SOX5: variants seen among roughly 807,000 people sequenced by gnomAD.
The protein encoded by SOX5 is SRY-box transcription factor 5, also known as transcription factor SOX-5.
A neutral mutation model predicts 92.0 loss-of-function variants in SOX5; 9 were observed. The observed-to-expected ratio is 0.10, with a 90% CI of 0.06 to 0.17. The LOEUF (loss-of-function observed/expected upper bound fraction) is 0.17, where lower values mean the gene tolerates loss of function less well. Ranked by LOEUF, SOX5 falls within the 10% of genes least tolerant of loss-of-function variation. The probability of loss-of-function intolerance (pLI) is 1.00; values close to 1 mark genes in which losing one functional copy is unlikely to be tolerated. For synonymous variants in SOX5, 344 were observed against 336.3 expected, an observed-to-expected ratio of 1.02 and a Z score of -0.25; for missense variants, 642 against 944.5, an observed-to-expected ratio of 0.68 and a Z score of 4.20.
chr12:24,053,253 G>A (rs761991458), intron 4 of SOX5, among the ~76,000 whole-genome samples: 9 of 145,550 alleles, frequency 6.2e-5, no homozygotes, highest in African/African-American at 7.6e-5. Flanking sequence ...TCAGCCTCCC[G>A]AGTAGCTGGG....
intron 11 of SOX5, among the ~76,000 whole-genome samples, chr12:23,556,749 C>A (rs920681451): frequency 6.6e-6 from 1 of 152,206 alleles, no homozygotes; most frequent in Non-Finnish European, 1.5e-5. Context: ...ACTGGAGAGG[C>A]ATGAGTTCCT....
At chr12:24,212,287 C>A in intron 4 of SOX5, 1 of 473,860 alleles carries the variant, frequency 2.1e-6, no homozygotes, top group South Asian at 1.6e-5. Flanking sequence ...ATAACAAAAT[C>A]TCTGAGGCAT....
chr12:24,012,631 T>G (rs141739700), intron 4 of SOX5, among the ~76,000 whole-genome samples: 65 of 152,266 alleles, frequency 4.3e-4, no homozygotes, highest in African/African-American at 1.5e-3. Flanking sequence ...GCTTAATAAA[T>G]ACTACCAGGT....
intron 1 of SOX5, among the ~76,000 whole-genome samples, chr12:24,550,197 G>A (rs1379683165): frequency 6.6e-6 from 1 of 152,164 alleles, no homozygotes; most frequent in African/African-American, 2.4e-5. Flanking sequence ...TTAGTACAAT[G>A]TCTAGCAACA....
chr12:24,249,417 T>C (rs1879777), intron 3 of SOX5, among the ~76,000 whole-genome samples: 50,543 of 152,080 alleles, frequency 0.33, 9,114 homozygotes, highest in Middle Eastern at 0.41. Context: ...AAATGATACA[T>C]AGCACAAGCC....
In SOX5 at chr12:24,393,860, A is replaced by G. The variant is rs1005086816; in HGVS notation, c.-250-25221T>C. Among the ~76,000 whole-genome samples the G allele has an allele frequency of 1.3e-5, 2 of 152,226 alleles. No individual in the cohort carries two copies. Among genetic ancestry groups the G allele is most frequent in the Non-Finnish European group, 2.9e-5 (2 of 68,028 alleles). ...TTTCTTCAAAAGTTTAAAAGAGAATAGCAAAAGAGAAAAGACTAATTTTAC... is the reference window on the plus strand; with the variant it reads ...TTTCTTCAAAAGTTTAAAAGAGAATGGCAAAAGAGAAAAGACTAATTTTAC... On this transcript the variant is annotated intron_variant, in intron 1 of 4. Coordinates refer to the SOX5 transcript ENST00000446891. The surrounding 1 kb of genome is among the most constrained non-coding windows in gnomAD (Gnocchi z 5.0).
At chr12:23,979,737 A>C (rs1165620687) in intron 4 of SOX5, among the ~76,000 whole-genome samples, 3 of 29,146 alleles carry the variant, frequency 1.0e-4, no homozygotes. Context: ...TTTTTTTTGG[A>C]GACAGGGCCT....
At chr12:23,566,388 G>C (rs971223346) in intron 10 of SOX5, among the ~76,000 whole-genome samples, 6 of 152,098 alleles carry the variant, frequency 3.9e-5, no homozygotes, top group African/African-American at 1.4e-4. Flanking sequence ...GTCTCTAGTT[G>C]TCGAATAAAT....
At chr12:23,560,308 T>G (rs531774077) in intron 11 of SOX5, among the ~76,000 whole-genome samples, 1 of 152,240 alleles carries the variant, frequency 6.6e-6, no homozygotes, top group South Asian at 2.1e-4. Context: ...TCATATATTT[T>G]TTATGTCTTT....
At chr12:24,415,969 C>T (rs1457431022) in intron 1 of SOX5, among the ~76,000 whole-genome samples, 6 of 152,162 alleles carry the variant, frequency 3.9e-5, no homozygotes, top group Admixed American at 1.3e-4. Flanking sequence ...AATTACATCG[C>T]GTCAAAAATT....
intron 1 of SOX5, among the ~76,000 whole-genome samples, chr12:24,382,446 G>A (rs955258025): frequency 2.0e-5 from 3 of 152,042 alleles, no homozygotes; most frequent in African/African-American, 4.8e-5. Context: ...AGGGGGTATG[G>A]AGGAAAATGG....
intron 4 of SOX5, among the ~76,000 whole-genome samples, chr12:24,167,195 C>T (rs1367252304): frequency 2.0e-5 from 3 of 151,938 alleles, no homozygotes; most frequent in African/African-American, 7.3e-5. Flanking sequence ...AGGAGGATAA[C>T]GATAGTTGTA....
At position 24,056,958 on chromosome 12, in the gene SOX5, G is replaced by A. The variant is rs567901028; in HGVS notation, c.-2+156385C>T. 0.014 allele frequency among the ~76,000 whole-genome samples: 870 copies of A among 63,288 alleles called. 9 individuals are homozygous for A. The Middle Eastern group carries it at 0.21, about 15-fold the overall frequency. The allele number at this position is 63,288 out of a possible 152,430, so 41.5% of individuals were successfully genotyped here. ...CCACTGCACTCCAGCCTGGGCGACA[G>A]AGCGAGACTCCGTCTCAAAAAAAAA... is the stretch of plus-strand genomic sequence containing the variant. On this transcript the variant is annotated intron_variant, in intron 4 of 4. Transcript: ENST00000446891.
intron 6 of SOX5, among the ~76,000 whole-genome samples, chr12:23,715,379 T>C (rs1373500792): frequency 5.3e-5 from 8 of 152,074 alleles, no homozygotes; most frequent in Non-Finnish European, 1.0e-4. Context: ...TAAGTATGAG[T>C]TTCATCATTT....
intron 1 of SOX5, among the ~76,000 whole-genome samples, chr12:24,499,728 ACTCTG>A (rs1948005362): frequency 6.6e-6 from 1 of 150,626 alleles, no homozygotes; most frequent in Non-Finnish European, 1.5e-5. Context: ...CTTTAAAGTC[ACTCTG>A]ATAAAACACT....
chr12:23,637,768 A>G (rs903935500), intron 8 of SOX5, among the ~76,000 whole-genome samples: 2 of 152,192 alleles, frequency 1.3e-5, no homozygotes, highest in African/African-American at 4.8e-5. Flanking sequence ...TGTGGTGAGA[A>G]AGGTCTTAGG....
At chr12:24,205,050 G>A (rs1040203510) in intron 4 of SOX5, among the ~76,000 whole-genome samples, 9 of 152,162 alleles carry the variant, frequency 5.9e-5, no homozygotes, top group Non-Finnish European at 1.0e-4. Flanking sequence ...ACAGCTTAGC[G>A]TCTTCTCTTT....
chr12:23,743,550 T>C (rs2093877017), intron 4 of SOX5, among the ~76,000 whole-genome samples: 1 of 152,114 alleles, frequency 6.6e-6, no homozygotes, highest in African/African-American at 2.4e-5. Context: ...GTCCTCGTGA[T>C]CCTCCCGCCT....
intron 1 of SOX5, among the ~76,000 whole-genome samples, chr12:24,378,674 A>G (rs1185283579): frequency 6.6e-6 from 1 of 152,250 alleles, no homozygotes; most frequent in Non-Finnish European, 1.5e-5. Flanking sequence ...ATGAATGTGC[A>G]GTGTGACAGA....
Sources: gnomAD v4.1 joint callset for allele counts (sites outside exome capture counted in the v4.1 genomes callset) on GRCh38, gnomAD v4.1.1 for gene constraint, Gnocchi (gnomAD v3.1) non-coding constraint, MANE v1.5 for transcripts, NCBI Gene and HGNC (gene_info 2026-07-23, HGNC 2026-07-21) for gene names.